ANO7: variants seen among roughly 807,000 people sequenced by gnomAD.
ANO7 encodes anoctamin-7.
A neutral mutation model predicts 115.8 loss-of-function variants in ANO7; 114 were observed. That is an observed-to-expected ratio of 0.98 (90% confidence interval 0.85 to 1.15). ANO7 has a LOEUF of 1.15. ANO7 is among the 50% of genes most tolerant of loss of function. The pLI is 0.00. For synonymous variants in ANO7, 550 were observed against 498.2 expected, an observed-to-expected ratio of 1.10 and a Z score of -1.38; for missense variants, 1,302 against 1,201.2, an observed-to-expected ratio of 1.08 and a Z score of -1.24.
At chr2:241,236,480 C>T in the ANO7 span, 13 of 863,278 alleles carry the variant, frequency 1.5e-5, no homozygotes, top group South Asian at 4.7e-5. Flanking sequence ...CGTGCGCACA[C>T]GGTAGGAGCA....
rs764823592 is a variant in ANO7 at position 241,224,130 on chromosome 2, A to C, written c.2617A>C (p.Lys873Gln). Residue 873 changes from lysine to glutamine, a missense_variant, in exon 25 of 25, where the codon AAG becomes CAG. By Grantham distance (53) the Lys-to-Gln change is moderately conservative (BLOSUM62 1). Coordinates refer to ENST00000674324, the MANE Select transcript of ANO7 (RefSeq NM_001370694.2). Reference protein sequence around the residue: ...SSHWTPFTVPKASQLQQ With the variant: ...SSHWTPFTVPQASQLQQ ...CCACTGGACACCCTTCACGGTTCCCAAGGCCAGCCAGCTGCAGCAGTGACG... is the reference window on the plus strand; with the variant it reads ...CCACTGGACACCCTTCACGGTTCCCCAGGCCAGCCAGCTGCAGCAGTGACG... 2 of 1,613,876 alleles carry C rather than the reference A, an allele frequency of 1.2e-6. No individual in the cohort carries two copies. The highest frequency in any genetic ancestry group is 1.7e-5 in the Admixed American group (1 of 59,998).
chr2:241,191,485 A>G (rs1160438635), intron 3 of ANO7, among the ~76,000 whole-genome samples: 1 of 152,052 alleles, frequency 6.6e-6, no homozygotes, highest in Admixed American at 6.6e-5. Context: ...GGCTCTGGAG[A>G]GTGGACAGGG....
chr2:241,236,988 G>GTT, the ANO7 span, among the ~76,000 whole-genome samples: 4 of 150,674 alleles, frequency 2.7e-5, no homozygotes, highest in African/African-American at 9.8e-5. Context: ...GGGGGGGGGG[G>GTT]GGGGGGCGGC....
chr2:241,201,361 TG>T lies in ANO7; in HGVS notation c.612+11del. 3 of 1,610,440 alleles carry T rather than the reference TG, an allele frequency of 1.9e-6. No individual in the cohort carries two copies. The highest frequency in any genetic ancestry group is 4.5e-5 in the East Asian group (2 of 44,588). ...GCACCAAGAGGCACCAAATTGTGAG[TG>T]GGGGTTCCCTGCCGCGGGCCCCAAA... On this transcript the variant is annotated splice_region_variant and intron_variant, in intron 7 of 24. Coordinates refer to ENST00000674324, the MANE Select transcript of ANO7 (RefSeq NM_001370694.2).
At chr2:241,221,345 G>A (rs2069007549) in intron 21 of ANO7, among the ~76,000 whole-genome samples, 1 of 150,872 alleles carries the variant, frequency 6.6e-6, no homozygotes, top group Admixed American at 6.6e-5. Flanking sequence ...CAAAGTGCTG[G>A]GATTACAGGC....
chr2:241,218,957 A>AC (rs540916043), intron 21 of ANO7, among the ~76,000 whole-genome samples: 38 of 152,294 alleles, frequency 2.5e-4, no homozygotes, highest in Middle Eastern at 3.4e-3. Flanking sequence ...TGTTATTTTA[A>AC]CCGCCAGGGC....
intron 2 of ANO7, among the ~76,000 whole-genome samples, chr2:241,190,585 G>C (rs2068177209): frequency 6.6e-6 from 1 of 152,246 alleles, no homozygotes; most frequent in Non-Finnish European, 1.5e-5. Flanking sequence ...GGAGAGGCTG[G>C]GTCCCGGGCC....
chr2:241,217,158 G>T (rs954870812), intron 19 of ANO7, among the ~76,000 whole-genome samples: 2 of 152,216 alleles, frequency 1.3e-5, no homozygotes, highest in Non-Finnish European at 2.9e-5. Flanking sequence ...TAGCAAGCGG[G>T]CATGTGAGCC....
the ANO7 span, chr2:241,235,998 A>C: frequency 5.0e-6 from 1 of 199,872 alleles, no homozygotes; most frequent in Non-Finnish European, 1.0e-5. Context: ...GGCTTTGGCT[A>C]ATGCCCACGA....
At position 241,223,767 on chromosome 2, in the gene ANO7, C is replaced by G. The variant is rs139359171; in HGVS notation, c.2518C>G (p.Leu840Val). ...KREYYLAKQA[L>V]AENEVLFGTN... ...GGAGTACTACCTGGCTAAGCAGGCA[C>G]TGGCTGAGAATGAGGTGAACTGTAC... The change falls in exon 23 of 25, where the codon CTG (leucine) becomes GTG (valine). Residue 840 changes from leucine (L) to valine (V), a missense_variant. Physicochemically the swap from Leu to Val is conservative, Grantham distance 32 (BLOSUM62 1). Transcript: ENST00000674324. 3.7e-6 allele frequency: 6 copies of G among 1,614,112 alleles called. No individual in the cohort carries two copies. The Admixed American group carries it at 1.0e-4, about 27-fold the overall frequency.
At chr2:241,214,953 G>T in intron 18 of ANO7, 51 bp downstream of exon 18, 1 of 1,552,102 alleles carries the variant, frequency 6.4e-7, no homozygotes, top group South Asian at 1.1e-5. Context: ...AGGGACCCCA[G>T]AGCACCTGGC....
Position 241,190,039 on chromosome 2 carries a change from CG to C in ANO7, c.-7-16del. ...CCCCTCTCTGACCCCCATCCCCACC[CG>C]GCCTTGCTGGGTGCAGGAGCAGGAT... On this transcript the variant is annotated splice_polypyrimidine_tract_variant and intron_variant, in intron 1 of 24. Coordinates refer to ENST00000674324, the MANE Select transcript of ANO7 (RefSeq NM_001370694.2). 6.4e-7 allele frequency: 1 copy of C among 1,553,770 alleles called. No homozygotes were observed. The highest frequency in any genetic ancestry group is 8.7e-7 in the Non-Finnish European group (1 of 1,148,222).
intron 24 of ANO7, 58 bp downstream of exon 24, chr2:241,224,013 T>C (rs2069094029): frequency 1.2e-6 from 2 of 1,613,400 alleles, no homozygotes; most frequent in Admixed American, 1.7e-5. Context: ...CACAGGGCCC[T>C]GCCCAGCCGC....
At chr2:241,239,614 G>T in the ANO7 span, 2 of 1,613,946 alleles carry the variant, frequency 1.2e-6, no homozygotes, top group African/African-American at 2.7e-5. This position sits in a 1 kb window ranked among gnomAD's most constrained non-coding sequence, Gnocchi z 4.6. Flanking sequence ...GGTCCTCAAT[G>T]ATCTCCTGAA....
In ANO7 at chr2:241,212,729, G is replaced by T. The variant is rs537296517; in HGVS notation, c.1728+103G>T. ...ATTTGCAGCAATTCCTCCCACCACC[G>T]GCTATTTCCATCGCCCAGCCAGGGC... On this transcript the variant is annotated intron_variant, in intron 17 of 24. Coordinates refer to ENST00000674324, the MANE Select transcript of ANO7 (RefSeq NM_001370694.2). 3,494 of 1,322,866 alleles carry T rather than the reference G, an allele frequency of 2.6e-3. 4 individuals carry two copies. The highest frequency in any genetic ancestry group is 3.3e-3 in the Non-Finnish European group (3,150 of 959,726). The allele number at this position is 1,322,866 out of a possible 1,614,324, so 81.9% of individuals were successfully genotyped here.
At chr2:241,228,944 G>T (rs553767446), downstream of ANO7, 1 of 152,820 alleles carries the variant, frequency 6.5e-6, no homozygotes, top group Non-Finnish European at 1.5e-5. Flanking sequence ...GTCTGGCAGT[G>T]GAGGTAGGGG....
At chr2:241,233,723 C>T in the ANO7 span, 238 of 1,402,720 alleles carry the variant, frequency 1.7e-4, 2 homozygotes, top group East Asian at 4.0e-3. The surrounding 1 kb of genome is among the most constrained non-coding windows in gnomAD (Gnocchi z 4.3). Flanking sequence ...ACTTGGCCCT[C>T]GAACCCCCAT....
At chr2:241,239,563 G>T in the ANO7 span, 5 of 1,528,298 alleles carry the variant, frequency 3.3e-6, no homozygotes, top group South Asian at 1.1e-5. The surrounding 1 kb of genome is among the most constrained non-coding windows in gnomAD (Gnocchi z 4.6). Context: ...AGTGGCCACT[G>T]GGGGGTGAGA....
intron 1 of ANO7, among the ~76,000 whole-genome samples, chr2:241,189,678 C>A (rs145783587): frequency 1.3e-3 from 191 of 152,238 alleles, no homozygotes; most frequent in African/African-American, 4.2e-3. Flanking sequence ...CTCCACCCTA[C>A]GGATAAGAGA....
Sources: gnomAD v4.1 joint callset for allele counts (sites outside exome capture counted in the v4.1 genomes callset) on GRCh38, gnomAD v4.1.1 for gene constraint, Gnocchi (gnomAD v3.1) non-coding constraint, MANE v1.5 for transcripts, NCBI Gene and HGNC (gene_info 2026-07-23, HGNC 2026-07-21) for gene names.